Variants in CHRNA2 observed in about 807,000 individuals in gnomAD.
CHRNA2 encodes the protein cholinergic receptor nicotinic alpha 2 subunit.
Under a neutral mutation model 45.5 loss-of-function variants are expected in CHRNA2, and 40 were observed. That is an observed-to-expected ratio of 0.88 (90% CI 0.68 to 1.15). The LOEUF (loss-of-function observed/expected upper bound fraction) is 1.15, where lower values mean the gene tolerates loss of function less well. CHRNA2 is among the 50% of genes most tolerant of loss of function. The probability of loss-of-function intolerance (pLI) is 0.00; values close to 1 mark genes in which losing one functional copy is unlikely to be tolerated. For synonymous variants in CHRNA2, 301 were observed against 296.7 expected (o/e 1.01, Z -0.15); for missense variants, 655 against 701.7 (o/e 0.93, Z 0.75).
At chr8:27,473,597 C>T (rs984655806) in intron 1 of CHRNA2, among the ~76,000 whole-genome samples, 1 of 147,568 alleles carries the variant, frequency 6.8e-6, no homozygotes, top group African/African-American at 2.5e-5. Flanking sequence ...ATCTCAGCTA[C>T]TGGGAAGGCC....
chr8:27,466,060 T>G (rs916095274), intron 5 of CHRNA2, among the ~76,000 whole-genome samples: 3 of 152,198 alleles, frequency 2.0e-5, no homozygotes, highest in Non-Finnish European at 2.9e-5. Context: ...GGACCCTGGG[T>G]GCCAGCTATG....
At chr8:27,469,209 G>T in intron 4 of CHRNA2, 126 bp downstream of exon 4, 1 of 955,692 alleles carries the variant, frequency 1.0e-6, no homozygotes, top group Non-Finnish European at 1.7e-6. Context: ...CATGGCATCT[G>T]CTTGGTAAAC....
chr8:27,473,741 T>C (rs1009097710), intron 1 of CHRNA2, among the ~76,000 whole-genome samples: 4 of 152,062 alleles, frequency 2.6e-5, no homozygotes, highest in Non-Finnish European at 4.4e-5. Context: ...AACCACCGGG[T>C]ATGAGAGAAT....
At chr8:27,465,853 G>C (rs919275480) in intron 5 of CHRNA2, among the ~76,000 whole-genome samples, 1 of 152,216 alleles carries the variant, frequency 6.6e-6, no homozygotes, top group African/African-American at 2.4e-5. Context: ...CTTGAGTGGG[G>C]TATCTGGGTG....
At chr8:27,473,998 C>G (rs1363512314) in intron 1 of CHRNA2, among the ~76,000 whole-genome samples, 1 of 152,170 alleles carries the variant, frequency 6.6e-6, no homozygotes, top group Non-Finnish European at 1.5e-5. Flanking sequence ...GTCACTCAAT[C>G]CCCCTGGGAT....
chr8:27,473,602 A>G (rs2565067), intron 1 of CHRNA2, among the ~76,000 whole-genome samples: 123,938 of 149,982 alleles, frequency 0.83, 51,246 homozygotes, highest in Non-Finnish European at 0.84. Flanking sequence ...AGCTACTGGG[A>G]AGGCCAAGAA....
At chr8:27,472,998 G>A (rs1357264713) in intron 1 of CHRNA2, among the ~76,000 whole-genome samples, 1 of 152,054 alleles carries the variant, frequency 6.6e-6, no homozygotes, top group Non-Finnish European at 1.5e-5. Context: ...CATATGAAAT[G>A]AATGTTTCAT....
chr8:27,472,978 TATA>T (rs1199803145), intron 1 of CHRNA2, among the ~76,000 whole-genome samples: 3 of 152,166 alleles, frequency 2.0e-5, no homozygotes, highest in Non-Finnish European at 4.4e-5. Context: ...ATGGGGTAAA[TATA>T]ATGTTTCATA....
At chr8:27,462,367 T>A (rs891396) in intron 6 of CHRNA2, among the ~76,000 whole-genome samples, 129,416 of 151,896 alleles carry the variant, frequency 0.85, 55,467 homozygotes, top group Middle Eastern at 0.93. Context: ...CTAGGCTTAG[T>A]AGAATTTTGT....
rs1408651788 is a variant in CHRNA2 at position 27,463,377 on chromosome 8, A to T, written c.1066T>A (p.Ser356Thr). 1 of 1,613,908 alleles carries T rather than the reference A, an allele frequency of 6.2e-7. No individual in the cohort carries two copies. Among genetic ancestry groups the T allele is most frequent in the Admixed American group, 1.7e-5 (1 of 60,006 alleles). The change falls in exon 6 of 7, where the codon TCC becomes ACC. Residue 356 changes from serine (S) to threonine (T), a missense_variant. Around this residue, in one of 3 missense-constraint regions of CHRNA2, gnomAD observed 295 missense variants for 280.4 expected, o/e 1.05. Transcript: ENST00000407991. The surrounding 1 kb of genome is among the most constrained non-coding windows in gnomAD (Gnocchi z 6.1). ...TVFVLNVHHRSPSTHTMPHWV... is the reference protein window; with the variant it reads ...TVFVLNVHHRTPSTHTMPHWV... Reference sequence around the variant, plus strand: ...TGGGGCATGGTGTGGGTGCTGGGGGAGCGGTGGTGCACATTGAGCACGAAG... The same window carrying T: ...TGGGGCATGGTGTGGGTGCTGGGGGTGCGGTGGTGCACATTGAGCACGAAG...
At position 27,469,200 on chromosome 8, in the gene CHRNA2, A is replaced by G. The variant is rs1586397973; in HGVS notation, c.339+135T>C. The G allele has an allele frequency of 1.5e-5, 13 of 876,086 alleles. No homozygotes were observed. The Admixed American group carries it at 2.6e-4, about 18-fold the overall frequency. The allele number at this position is 876,086 out of a possible 1,614,324, so 54.3% of individuals were successfully genotyped here. A position where few individuals can be genotyped will look rare whatever the true frequency, so the allele number is the denominator to read the frequency against. The stretch of plus-strand genomic sequence containing the variant: ...AAAGTCAGCTTTGGGAACATCCCAC[A>G]TGGCATCTGCTTGGTAAACTAAGTT... On this transcript the variant is annotated intron_variant, in intron 4 of 6. Coordinates refer to ENST00000407991, the MANE Select transcript of CHRNA2 (RefSeq NM_000742.4).
chr8:27,475,954 A>G (rs748825380), intron 1 of CHRNA2, among the ~76,000 whole-genome samples: 1 of 152,182 alleles, frequency 6.6e-6, no homozygotes, highest in Non-Finnish European at 1.5e-5. Context: ...CCAGGTGTTC[A>G]GAGCTACCTG....
chr8:27,478,523 A>G (rs558123012), intron 1 of CHRNA2, among the ~76,000 whole-genome samples: 1 of 152,364 alleles, frequency 6.6e-6, no homozygotes, highest in South Asian at 2.1e-4. Flanking sequence ...TGAGTAAATA[A>G]ATGAACAAAA....
intron 3 of CHRNA2, 108 bp from the exon 4 acceptor site, chr8:27,469,487 C>A: frequency 8.3e-7 from 1 of 1,205,916 alleles, no homozygotes; most frequent in South Asian, 1.3e-5. Context: ...ACACCCCAAG[C>A]CCAGCCCGCC....
rs1187396423 is a variant in CHRNA2, at chr8:27,471,170, G to C, written c.-112C>G. 9.5e-7 allele frequency: 1 copy of C among 1,053,324 alleles called. No individual in the cohort carries two copies. The highest frequency in any genetic ancestry group is 1.6e-5 in the African/African-American group (1 of 63,536). 65.2% of individuals were successfully genotyped at this position (1,053,324 alleles called of 1,614,324 possible). On this transcript the variant is annotated 5_prime_UTR_variant, in exon 2 of 7. Coordinates refer to ENST00000407991, the MANE Select transcript of CHRNA2 (RefSeq NM_000742.4). The stretch of plus-strand genomic sequence containing the variant: ...TTCTGTGAGGATTCTGCTGGATTCT[G>C]CGAGGCTTCCTCTCACCACCGAACC...
At chr8:27,466,252 C>G (rs1187616340) in intron 5 of CHRNA2, among the ~76,000 whole-genome samples, 1 of 152,160 alleles carries the variant, frequency 6.6e-6, no homozygotes, top group Non-Finnish European at 1.5e-5. Flanking sequence ...AAAAATCTGA[C>G]CCATCTGAAG....
chr8:27,461,587 G>T lies in CHRNA2; in HGVS notation c.*42C>A, dbSNP rs1812487857. ...CTGTAGCAGAGACGGTCAAAAGATGGTCAGCGGGGGTGCCCTGGGAGCCAG... is the reference window on the plus strand; with the variant it reads ...CTGTAGCAGAGACGGTCAAAAGATGTTCAGCGGGGGTGCCCTGGGAGCCAG... On this transcript the variant is annotated 3_prime_UTR_variant, in exon 7 of 7. Transcript: ENST00000407991. The T allele has an allele frequency of 6.2e-7, 1 of 1,613,376 alleles. No homozygotes were observed. The highest frequency in any genetic ancestry group is 1.3e-5 in the African/African-American group (1 of 75,060).
chr8:27,471,681 T>G (rs1812888642), intron 1 of CHRNA2, among the ~76,000 whole-genome samples: 1 of 152,238 alleles, frequency 6.6e-6, no homozygotes, highest in African/African-American at 2.4e-5. Context: ...TGCTACAGCA[T>G]GGAGGAACCT....
intron 4 of CHRNA2, among the ~76,000 whole-genome samples, chr8:27,468,962 C>T (rs892151554): frequency 5.9e-5 from 9 of 152,218 alleles, no homozygotes; most frequent in African/African-American, 2.2e-4. Flanking sequence ...GCTGGGCCCC[C>T]TTTTCCAGCC....
Sources: gnomAD v4.1 joint callset for allele counts (sites outside exome capture counted in the v4.1 genomes callset) on GRCh38, gnomAD v4.1.1 for gene constraint, gnomAD v4.1.1 regional missense constraint, Gnocchi (gnomAD v3.1) non-coding constraint, MANE v1.5 for transcripts, NCBI Gene and HGNC (gene_info 2026-07-23, HGNC 2026-07-21) for gene names.